Variants in XXYLT1 observed in about 807,000 individuals in gnomAD.
XXYLT1 encodes xyloside xylosyltransferase 1.
Under a neutral mutation model 28.9 loss-of-function variants are expected in XXYLT1, and 20 were observed. The ratio of observed to expected loss-of-function variants is 0.69; its 90% CI spans 0.49 to 1.00. The LOEUF (loss-of-function observed/expected upper bound fraction) is 1.00. Ranked by LOEUF, XXYLT1 falls within the 50% of genes least tolerant of loss-of-function variation. XXYLT1 has a pLI of 0.00. For synonymous variants in XXYLT1, 257 were observed against 253.8 expected (o/e 1.01, Z -0.12); for missense variants, 542 against 560.1 (o/e 0.97, Z 0.33).
chr3:195,148,787 G>C (rs372066332), intron 3 of XXYLT1, among the ~76,000 whole-genome samples: 2 of 152,216 alleles, frequency 1.3e-5, no homozygotes, highest in South Asian at 4.1e-4. Context: ...CTTGAAGACA[G>C]AGTGACACTA....
chr3:195,140,705 C>T (rs576043246), intron 3 of XXYLT1, among the ~76,000 whole-genome samples: 2 of 152,262 alleles, frequency 1.3e-5, no homozygotes, highest in South Asian at 4.1e-4. Flanking sequence ...GGAAGCACTA[C>T]ACACTTTTAA....
chr3:195,140,206 G>A (rs1022836146), intron 3 of XXYLT1, among the ~76,000 whole-genome samples: 5 of 152,182 alleles, frequency 3.3e-5, no homozygotes, highest in Admixed American at 6.5e-5. Context: ...TCTCAACTTC[G>A]ATTCCTTGAT....
At chr3:195,246,128 T>C (rs995136626) in intron 1 of XXYLT1, among the ~76,000 whole-genome samples, 2 of 152,226 alleles carry the variant, frequency 1.3e-5, no homozygotes, top group Admixed American at 1.3e-4. Context: ...AGGTTTTTTC[T>C]TGCCTGTAAT....
chr3:195,187,573 G>A (rs894582745), intron 2 of XXYLT1, among the ~76,000 whole-genome samples: 13 of 152,330 alleles, frequency 8.5e-5, no homozygotes, highest in African/African-American at 2.4e-4. Flanking sequence ...TTACTGGAGC[G>A]ACTGAAGAGC....
At chr3:195,249,743 C>T (rs996960349) in intron 1 of XXYLT1, among the ~76,000 whole-genome samples, 1 of 152,232 alleles carries the variant, frequency 6.6e-6, no homozygotes, top group Non-Finnish European at 1.5e-5. Context: ...AGCCTGCTCA[C>T]TACAAACCCA....
intron 3 of XXYLT1, among the ~76,000 whole-genome samples, chr3:195,138,305 G>T (rs1719301358): frequency 6.6e-6 from 1 of 152,206 alleles, no homozygotes; most frequent in African/African-American, 2.4e-5. Flanking sequence ...TGGAGGAATG[G>T]TTTCCGTGCC....
At chr3:195,229,892 G>A (rs957734002) in intron 1 of XXYLT1, among the ~76,000 whole-genome samples, 1 of 152,132 alleles carries the variant, frequency 6.6e-6, no homozygotes, top group Non-Finnish European at 1.5e-5. Flanking sequence ...CCTTTCTTTT[G>A]GGTATATATC....
At chr3:195,156,678 T>C in intron 2 of XXYLT1, 97 bp from the exon 3 acceptor site, 1 of 1,484,910 alleles carries the variant, frequency 6.7e-7, no homozygotes, top group Non-Finnish European at 9.1e-7. Flanking sequence ...AAAAGGGCAC[T>C]GGACTCTTAC....
chr3:195,119,187 G>A (rs954030036), intron 3 of XXYLT1, among the ~76,000 whole-genome samples: 1 of 151,548 alleles, frequency 6.6e-6, no homozygotes, highest in Admixed American at 6.6e-5. Flanking sequence ...GGGAGGCTAG[G>A]GCAGGAGAAT....
intron 1 of XXYLT1, among the ~76,000 whole-genome samples, chr3:195,241,968 TCC>T (rs1724795169): frequency 6.6e-6 from 1 of 152,130 alleles, no homozygotes; most frequent in Non-Finnish European, 1.5e-5. Flanking sequence ...TGCCCATCTC[TCC>T]CCAGCTCCCA....
At chr3:195,123,026 A>G (rs62290330) in intron 3 of XXYLT1, among the ~76,000 whole-genome samples, 26,719 of 152,178 alleles carry the variant, frequency 0.18, 2,764 homozygotes, top group East Asian at 0.47. Flanking sequence ...CCTACACTGA[A>G]AAATGAAGGA....
At chr3:195,224,392 C>A (rs185604443) in intron 2 of XXYLT1, among the ~76,000 whole-genome samples, 19 of 152,340 alleles carry the variant, frequency 1.2e-4, no homozygotes, top group Admixed American at 3.9e-4. Context: ...TCACTGCCCC[C>A]CTGAGCTATG....
chr3:195,069,876 G>T lies in XXYLT1; in HGVS notation c.1021C>A (p.His341Asn). 1 of 1,614,154 alleles carries T rather than the reference G, an allele frequency of 6.2e-7. No homozygotes were observed. Among genetic ancestry groups the T allele is most frequent in the Non-Finnish European group, 8.5e-7 (1 of 1,180,038 alleles). ...TCCAGCACATGGAAGAGCTTGGGGT[G>T]CTCCATGCCGATCATGGTGAAGAAG... is the stretch of plus-strand genomic sequence containing the variant. ...QDFFTMIGME[H>N]PKLFHVLDCT... The change falls in exon 4 of 4, where the codon CAC becomes AAC. Residue 341 changes from histidine (H) to asparagine (N), a missense_variant. His to Asn is a moderately conservative substitution (Grantham distance 68). Coordinates refer to ENST00000310380, the MANE Select transcript of XXYLT1 (RefSeq NM_152531.5).
chr3:195,251,626 G>C (rs569142511), intron 1 of XXYLT1, among the ~76,000 whole-genome samples: 231 of 152,312 alleles, frequency 1.5e-3, no homozygotes, highest in African/African-American at 5.3e-3. Flanking sequence ...TGCACAGCCA[G>C]GAAGTCTGAG....
chr3:195,176,846 G>C lies in XXYLT1; in HGVS notation c.653-20265C>G, dbSNP rs560006675. Among the ~76,000 whole-genome samples, 33 of 152,286 alleles carry C rather than the reference G, an allele frequency of 2.2e-4. No individual in the cohort carries two copies. The highest frequency in any genetic ancestry group is 2.8e-4 in the Non-Finnish European group (19 of 68,012). On this transcript the variant is annotated intron_variant, in intron 2 of 3. Transcript: ENST00000310380. The surrounding 1 kb of genome is among the most constrained non-coding windows in gnomAD (Gnocchi z 4.9). ...TACCTCACAGAGCACAGGCCCACAG[G>C]GTCTGCTGGAAAGGTGATCTGAGAG...
intron 1 of XXYLT1, chr3:195,259,548 C>A: frequency 2.0e-6 from 2 of 985,232 alleles, no homozygotes; most frequent in Non-Finnish European, 2.4e-6. Context: ...CCGGGCTCCT[C>A]CTCCCAGGGA....
intron 3 of XXYLT1, among the ~76,000 whole-genome samples, chr3:195,089,889 G>A (rs1464915696): frequency 7.9e-5 from 12 of 151,528 alleles, no homozygotes; most frequent in African/African-American, 2.0e-4. Context: ...AGTCTCTGAT[G>A]AAACAGACTT....
At chr3:195,263,279 AC>A (rs1171771783) in intron 1 of XXYLT1, among the ~76,000 whole-genome samples, 2 of 152,202 alleles carry the variant, frequency 1.3e-5, no homozygotes, top group African/African-American at 4.8e-5. Context: ...TCCTCCTGGA[AC>A]CCAACCTGTA....
chr3:195,189,049 G>A lies in XXYLT1; in HGVS notation c.653-32468C>T, dbSNP rs191452872. On this transcript the variant is annotated intron_variant, in intron 2 of 3. Coordinates refer to ENST00000310380, the MANE Select transcript of XXYLT1 (RefSeq NM_152531.5). ...CATATCCATTGAGCACTTACTATGT[G>A]CCAGTCCCTACACTGAGTGATTTAC... is the stretch of plus-strand genomic sequence containing the variant. 2.6e-5 allele frequency among the ~76,000 whole-genome samples: 4 copies of A among 152,132 alleles called. No homozygotes were observed. In the East Asian group the frequency reaches 7.7e-4, roughly 29 times the overall value.
Sources: gnomAD v4.1 joint callset for allele counts (sites outside exome capture counted in the v4.1 genomes callset) on GRCh38, gnomAD v4.1.1 for gene constraint, Gnocchi (gnomAD v3.1) non-coding constraint, MANE v1.5 for transcripts, NCBI Gene and HGNC (gene_info 2026-07-23, HGNC 2026-07-21) for gene names.